The following MLLT3 variants were observed in gnomAD, a reference collection of about 807,000 sequenced individuals.
MLLT3 encodes the protein MLLT3 super elongation complex subunit.
Under a neutral mutation model 53.2 loss-of-function variants are expected in MLLT3, and 4 were observed. The ratio of observed to expected loss-of-function variants is 0.08; its 90% confidence interval spans 0.04 to 0.17. The LOEUF is 0.17. Ranked by LOEUF, MLLT3 falls within the 10% of genes least tolerant of loss-of-function variation. The pLI is 1.00. For missense variants in MLLT3, 569 were observed against 684.0 expected, an observed-to-expected ratio of 0.83 and a Z score of 1.87; for synonymous variants, 283 against 230.6, an observed-to-expected ratio of 1.23 and a Z score of -2.06.
intron 4 of MLLT3, among the ~76,000 whole-genome samples, chr9:20,420,948 T>C (rs186763721): frequency 2.6e-5 from 4 of 152,268 alleles, no homozygotes; most frequent in Non-Finnish European, 5.9e-5. Context: ...ATAGATTACA[T>C]TGGCTACCCT....
intron 2 of MLLT3, among the ~76,000 whole-genome samples, chr9:20,602,669 T>C (rs1324195289): frequency 2.6e-5 from 4 of 151,944 alleles, no homozygotes; most frequent in Non-Finnish European, 5.9e-5. Flanking sequence ...TAGAGACACT[T>C]AGAATTTGGC....
chr9:20,462,660 C>T (rs2118872648), intron 2 of MLLT3, among the ~76,000 whole-genome samples: 1 of 152,230 alleles, frequency 6.6e-6, no homozygotes, highest in African/African-American at 2.4e-5. Context: ...ACCTTTTTCT[C>T]ATTGCATCAT....
intron 2 of MLLT3, among the ~76,000 whole-genome samples, chr9:20,565,258 A>C (rs1455756551): frequency 6.6e-6 from 1 of 152,092 alleles, no homozygotes. Context: ...CAAACTGTAC[A>C]ATGCACAAAG....
At chr9:20,401,067 G>A (rs185499411) in intron 5 of MLLT3, among the ~76,000 whole-genome samples, 1 of 152,104 alleles carries the variant, frequency 6.6e-6, no homozygotes. Context: ...GAGAAAAAGG[G>A]AGAGTCACAG....
Position 20,360,780 on chromosome 9 carries a change from C to T in MLLT3, c.1393G>A (p.Glu465Lys), listed in dbSNP as rs758843588. The T allele has an allele frequency of 2.5e-6, 4 of 1,614,036 alleles. No individual in the cohort carries two copies. The highest frequency in any genetic ancestry group is 1.7e-5 in the Admixed American group (1 of 60,020). Reference sequence around the variant, plus strand: ...GTTTTTAGTAAGGGTGGTGGAGGTTCGTGATGTAGGGGTGAAGAAGCAGAA... The same window carrying T: ...GTTTTTAGTAAGGGTGGTGGAGGTTTGTGATGTAGGGGTGAAGAAGCAGAA... ...SSSASSPLHH[E>K]PPPPLLKTNN... The change falls in exon 8 of 11, where the codon GAA becomes AAA. Residue 465 changes from glutamate (E) to lysine (K), a missense_variant. Around this residue, in one of 5 missense-constraint regions of MLLT3, gnomAD observed 437 missense variants for 376.5 expected, o/e 1.16. Coordinates refer to ENST00000380338, the MANE Select transcript of MLLT3 (RefSeq NM_004529.4).
rs187933473 is a variant in MLLT3, at chr9:20,345,430, T to C, written c.*1013A>G. 5.3e-5 allele frequency: 11 copies of C among 208,530 alleles called. No individual in the cohort carries two copies. In the Admixed American group the frequency reaches 6.5e-4, roughly 12 times the overall value. The allele number at this position is 208,530 out of a possible 1,614,324, so 12.9% of individuals were successfully genotyped here. A position where few individuals can be genotyped will look rare whatever the true frequency, so the allele number is the denominator to read the frequency against. Reference sequence around the variant, plus strand: ...AGCTGAAGAAAGCTGAAACTCTGACTAATAAATAGATCCAAATTAAGAATT... The same window carrying C: ...AGCTGAAGAAAGCTGAAACTCTGACCAATAAATAGATCCAAATTAAGAATT... On this transcript the variant is annotated 3_prime_UTR_variant, in exon 11 of 11. Coordinates refer to ENST00000380338, the MANE Select transcript of MLLT3 (RefSeq NM_004529.4).
intron 10 of MLLT3, among the ~76,000 whole-genome samples, chr9:20,347,746 C>A (rs1820912938): frequency 6.6e-6 from 1 of 152,088 alleles, no homozygotes; most frequent in Non-Finnish European, 1.5e-5. Context: ...CAAACTTCTA[C>A]CTGATTTGAG....
intron 5 of MLLT3, among the ~76,000 whole-genome samples, chr9:20,387,766 G>C (rs1289835818): frequency 1.3e-5 from 2 of 152,134 alleles, no homozygotes; most frequent in East Asian, 1.9e-4. Context: ...TCTTAGAAAA[G>C]GCAGTTTGAG....
At chr9:20,370,913 A>G (rs1163794199) in intron 5 of MLLT3, among the ~76,000 whole-genome samples, 1 of 152,206 alleles carries the variant, frequency 6.6e-6, no homozygotes, top group Middle Eastern at 3.2e-3. Flanking sequence ...CCAAATATTT[A>G]GCCAAGTTGT....
At chr9:20,614,464 T>A (rs1820775832) in intron 2 of MLLT3, among the ~76,000 whole-genome samples, 2 of 151,486 alleles carry the variant, frequency 1.3e-5, no homozygotes, top group Non-Finnish European at 2.9e-5. Context: ...ACGCACATAG[T>A]AGGAGCTAAA....
chr9:20,453,218 A>T (rs1211158596), intron 3 of MLLT3, among the ~76,000 whole-genome samples: 1 of 152,180 alleles, frequency 6.6e-6, no homozygotes, highest in East Asian at 1.9e-4. Flanking sequence ...TGTGCCTTCT[A>T]CTGAGATTAA....
chr9:20,510,526 C>T lies in MLLT3; in HGVS notation c.194-53740G>A, dbSNP rs146273103. Among the ~76,000 whole-genome samples the T allele has an allele frequency of 7.2e-4, 108 of 149,226 alleles. 2 individuals are homozygous for T. In the East Asian group the frequency reaches 0.015, roughly 20 times the overall value. ...ACTCAGGAGGCTGAGGCAGGAGAAT[C>T]GCTTGAACCCAGGAGGCAGAGGTTG... On this transcript the variant is annotated intron_variant, in intron 2 of 10. Transcript: ENST00000380338.
intron 5 of MLLT3, among the ~76,000 whole-genome samples, chr9:20,394,573 G>A (rs965453969): frequency 2.0e-5 from 3 of 151,968 alleles, no homozygotes; most frequent in Non-Finnish European, 4.4e-5. Context: ...ATCATGTCTG[G>A]GTGTACAACT....
rs1169831512 is a variant in MLLT3, at chr9:20,573,178, TTTTTG to T, written c.193+47471_193+47475del. 4.4e-5 allele frequency among the ~76,000 whole-genome samples: 4 copies of T among 90,656 alleles called. No individual in the cohort carries two copies. In the East Asian group the frequency reaches 7.8e-4, roughly 18 times the overall value. The allele number at this position is 90,656 out of a possible 152,430, so 59.5% of individuals were successfully genotyped here. A position where few individuals can be genotyped will look rare whatever the true frequency, so the allele number is the denominator to read the frequency against. ...TTTTGTTCCTGTTTTTGTTTGTTTTTTTTTGTTTTGTTTTTTTTTTTTGAGACAGT... is the reference window on the plus strand; with the variant it reads ...TTTTGTTCCTGTTTTTGTTTGTTTTTTTTTGTTTTTTTTTTTTGAGACAGT... On this transcript the variant is annotated intron_variant, in intron 2 of 10. Coordinates refer to ENST00000380338, the MANE Select transcript of MLLT3 (RefSeq NM_004529.4).
intron 2 of MLLT3, among the ~76,000 whole-genome samples, chr9:20,568,000 T>C (rs1219939633): frequency 6.6e-6 from 1 of 152,208 alleles, no homozygotes; most frequent in Non-Finnish European, 1.5e-5. Flanking sequence ...GTCCATGTTC[T>C]GTGGCTATTC....
chr9:20,573,966 T>G (rs140082242), intron 2 of MLLT3, among the ~76,000 whole-genome samples: 1 of 152,154 alleles, frequency 6.6e-6, no homozygotes, highest in African/African-American at 2.4e-5. Context: ...TGAGAAAGTA[T>G]AGAAATAGAA....
At chr9:20,531,335 CA>C (rs1818331546) in intron 2 of MLLT3, among the ~76,000 whole-genome samples, 1 of 151,808 alleles carries the variant, frequency 6.6e-6, no homozygotes, top group South Asian at 2.1e-4. Context: ...AGCGTTTCAC[CA>C]TGTTGTCCAG....
intron 2 of MLLT3, among the ~76,000 whole-genome samples, chr9:20,548,120 T>A (rs996318048): frequency 6.6e-6 from 1 of 152,226 alleles, no homozygotes; most frequent in African/African-American, 2.4e-5. Flanking sequence ...ATTTACAATT[T>A]TCCATTAATT....
At chr9:20,381,203 G>A (rs1040541619) in intron 5 of MLLT3, among the ~76,000 whole-genome samples, 6 of 151,874 alleles carry the variant, frequency 4.0e-5, no homozygotes, top group African/African-American at 1.4e-4. Flanking sequence ...ACATGTTTTA[G>A]TGCATCAGAA....
Sources: gnomAD v4.1 joint callset for allele counts (sites outside exome capture counted in the v4.1 genomes callset) on GRCh38, gnomAD v4.1.1 for gene constraint, gnomAD v4.1.1 regional missense constraint, MANE v1.5 for transcripts, NCBI Gene and HGNC (gene_info 2026-07-23, HGNC 2026-07-21) for gene names.